LINGO2: variants seen among roughly 807,000 people sequenced by gnomAD.
LINGO2 encodes leucine rich repeat and Ig domain containing 2, also known as leucine-rich repeat and immunoglobulin-like domain-containing nogo receptor-interacting protein 2.
LINGO2 carries 14 observed loss-of-function variants against 30.6 expected under a neutral mutation model. The ratio of observed to expected loss-of-function variants is 0.46; its 90% CI spans 0.30 to 0.72. The LOEUF (loss-of-function observed/expected upper bound fraction) is 0.72. Among genes scored for constraint, LINGO2 ranks in the 30% least tolerant of loss-of-function variants. The pLI is 0.07. For synonymous variants in LINGO2, 317 were observed against 288.5 expected (o/e 1.10, Z -1.00); for missense variants, 729 against 751.7 (o/e 0.97, Z 0.35).
the LINGO2 span, among the ~76,000 whole-genome samples, chr9:28,828,714 A>C: frequency 1.3e-5 from 2 of 152,134 alleles, no homozygotes; most frequent in African/African-American, 4.8e-5. Flanking sequence ...AATGAGAGGT[A>C]ATCTAGAGGA....
At chr9:28,233,061 T>TATATATATATAGATATATAA (rs60875467) in intron 4 of LINGO2, among the ~76,000 whole-genome samples, 1 of 118,830 alleles carries the variant, frequency 8.4e-6, no homozygotes, top group East Asian at 2.4e-4. Context: ...TATATATATA[T>TATATATATATAGATATATAA]TAGATATATA....
chr9:28,807,583 C>G, the LINGO2 span, among the ~76,000 whole-genome samples: 1 of 152,094 alleles, frequency 6.6e-6, no homozygotes, highest in East Asian at 1.9e-4. Flanking sequence ...TACAATTAAG[C>G]AAACTGGCAT....
intron 1 of LINGO2, among the ~76,000 whole-genome samples, chr9:28,495,963 G>C (rs902049266): frequency 6.6e-6 from 1 of 152,116 alleles, no homozygotes; most frequent in South Asian, 2.1e-4. Context: ...ATGTAGTTGA[G>C]TGGTTTTGAG....
the LINGO2 span, among the ~76,000 whole-genome samples, chr9:28,675,880 G>GA: frequency 1.4e-3 from 140 of 100,502 alleles, 2 homozygotes; most frequent in Non-Finnish European, 2.1e-3. Context: ...CAAAAAAAAA[G>GA]AAAAAAAAAT....
At chr9:28,344,868 T>C (rs1211032775) in intron 3 of LINGO2, among the ~76,000 whole-genome samples, 3 of 152,140 alleles carry the variant, frequency 2.0e-5, no homozygotes, top group African/African-American at 7.2e-5. Flanking sequence ...CCTCCCTAGT[T>C]CCCCAACTGC....
chr9:28,848,190 AC>A, the LINGO2 span, among the ~76,000 whole-genome samples: 1 of 93,880 alleles, frequency 1.1e-5, no homozygotes, highest in African/African-American at 6.7e-5. Flanking sequence ...CACTATATAT[AC>A]ACATATATAG....
At chr9:29,109,575 C>T in the LINGO2 span, among the ~76,000 whole-genome samples, 3 of 152,116 alleles carry the variant, frequency 2.0e-5, no homozygotes, top group Non-Finnish European at 4.4e-5. Flanking sequence ...TCCATGGCCT[C>T]ATGAAATTCC....
At chr9:28,686,850 G>A in the LINGO2 span, among the ~76,000 whole-genome samples, 54 of 152,052 alleles carry the variant, frequency 3.6e-4, no homozygotes, top group African/African-American at 1.2e-3. Flanking sequence ...GTATTTAAAC[G>A]CCCATGGCCC....
intron 1 of LINGO2, among the ~76,000 whole-genome samples, chr9:28,519,246 G>A (rs573495345): frequency 1.3e-5 from 2 of 152,052 alleles, no homozygotes; most frequent in Non-Finnish European, 2.9e-5. Flanking sequence ...ATGTTGCCCA[G>A]GTTGGTCTCA....
intron 4 of LINGO2, among the ~76,000 whole-genome samples, chr9:28,126,878 A>C (rs1310108176): frequency 6.6e-6 from 1 of 152,200 alleles, no homozygotes; most frequent in African/African-American, 2.4e-5. Flanking sequence ...TACTCTCTAA[A>C]CTTACTTCAA....
At chr9:29,172,636 T>C in the LINGO2 span, among the ~76,000 whole-genome samples, 328 of 152,066 alleles carry the variant, frequency 2.2e-3, 1 homozygote, top group African/African-American at 6.3e-3. Context: ...ATAATCTCCT[T>C]AGTGCCACTG....
intron 4 of LINGO2, among the ~76,000 whole-genome samples, chr9:28,207,688 T>C (rs1166803420): frequency 1.3e-5 from 2 of 152,158 alleles, no homozygotes; most frequent in East Asian, 3.9e-4. Context: ...TATGTATATG[T>C]CTCAGCTCTG....
At chr9:29,139,732 A>C in the LINGO2 span, among the ~76,000 whole-genome samples, 1 of 152,160 alleles carries the variant, frequency 6.6e-6, no homozygotes, top group Admixed American at 6.5e-5. Flanking sequence ...TCACAGTACT[A>C]TTGGAAGGAA....
At chr9:27,968,287 ATTG>A (rs1820193677) in intron 5 of LINGO2, among the ~76,000 whole-genome samples, 2 of 152,224 alleles carry the variant, frequency 1.3e-5, no homozygotes, top group South Asian at 4.1e-4. Flanking sequence ...TATTTTATAT[ATTG>A]AAATACTGAA....
At chr9:28,996,186 A>G in the LINGO2 span, among the ~76,000 whole-genome samples, 3 of 151,842 alleles carry the variant, frequency 2.0e-5, no homozygotes, top group Admixed American at 6.6e-5. Flanking sequence ...TAAGATTATG[A>G]ACTGAATGAG....
chr9:29,153,261 T>C, the LINGO2 span, among the ~76,000 whole-genome samples: 1 of 152,152 alleles, frequency 6.6e-6, no homozygotes, highest in Non-Finnish European at 1.5e-5. Flanking sequence ...CTACTTGTTC[T>C]AAGAAGAGAA....
chr9:27,943,462 C>G (rs1027381433), downstream of LINGO2: 2 of 152,074 alleles, frequency 1.3e-5, no homozygotes, highest in Admixed American at 1.3e-4. Flanking sequence ...ATAAATAAAG[C>G]TTTCTATTTA....
At chr9:28,117,332 T>C (rs374884403) in intron 4 of LINGO2, among the ~76,000 whole-genome samples, 24 of 144,188 alleles carry the variant, frequency 1.7e-4, no homozygotes, top group Middle Eastern at 7.2e-3. Flanking sequence ...GACAGGGACA[T>C]TTAAGTCTGC....
At chr9:28,016,270 T>TA (rs1339885263) in intron 4 of LINGO2, among the ~76,000 whole-genome samples, 1 of 152,150 alleles carries the variant, frequency 6.6e-6, no homozygotes, top group African/African-American at 2.4e-5. Flanking sequence ...ACTCTGAGCA[T>TA]AGGCTTGGCA....
Sources: allele counts gnomAD v4.1 joint callset (sites outside exome capture counted in the v4.1 genomes callset), GRCh38; gene constraint gnomAD v4.1.1; transcripts MANE v1.5; gene names NCBI Gene and HGNC (gene_info 2026-07-23, HGNC 2026-07-21).